The following EPM2A variants were observed in gnomAD, a reference collection of about 807,000 sequenced individuals.
The protein encoded by EPM2A is laforin.
In EPM2A, 21 loss-of-function variants were observed where a neutral mutation model predicts 26.5. The observed-to-expected ratio is 0.79, with a 90% CI of 0.56 to 1.14. The LOEUF (loss-of-function observed/expected upper bound fraction) is 1.14, where lower values mean the gene tolerates loss of function less well. Among genes scored for constraint, EPM2A ranks in the 50% most tolerant of loss-of-function variants. The probability of loss-of-function intolerance (pLI) is 0.00; values close to 1 mark genes in which losing one functional copy is unlikely to be tolerated. For missense variants in EPM2A, 458 were observed against 440.8 expected, an observed-to-expected ratio of 1.04 and a Z score of -0.35; for synonymous variants, 217 against 177.6, an observed-to-expected ratio of 1.22 and a Z score of -1.76.
chr6:145,705,622 G>A (rs1409035491), intron 1 of EPM2A: 4 of 452,246 alleles, frequency 8.8e-6, no homozygotes, highest in Non-Finnish European at 1.8e-5. Context: ...ATTATAGATT[G>A]GCTAGGGGCT....
chr6:145,455,024 C>A (rs1779244963), intron 4 of EPM2A, among the ~76,000 whole-genome samples: 1 of 151,828 alleles, frequency 6.6e-6, no homozygotes, highest in Non-Finnish European at 1.5e-5. Flanking sequence ...CATATATAAA[C>A]ATAGATATAT....
At chr6:145,716,900 C>T (rs1775660132) in intron 1 of EPM2A, among the ~76,000 whole-genome samples, 1 of 152,124 alleles carries the variant, frequency 6.6e-6, no homozygotes, top group Admixed American at 6.5e-5. Flanking sequence ...GTATTTATTC[C>T]CATAATTGCA....
intron 2 of EPM2A, among the ~76,000 whole-genome samples, chr6:145,582,446 G>C (rs577491900): frequency 6.6e-6 from 1 of 152,322 alleles, no homozygotes; most frequent in African/African-American, 2.4e-5. Flanking sequence ...GTAGATGTCT[G>C]TCAGGTCCAT....
chr6:145,709,089 T>C (rs771323820), intron 1 of EPM2A, among the ~76,000 whole-genome samples: 4 of 152,208 alleles, frequency 2.6e-5, no homozygotes, highest in Non-Finnish European at 4.4e-5. Context: ...CCATTGTATC[T>C]GAGAAGTAAC....
intron 1 of EPM2A, among the ~76,000 whole-genome samples, chr6:145,707,997 T>G (rs1381211862): frequency 1.3e-5 from 2 of 152,174 alleles, no homozygotes; most frequent in Non-Finnish European, 2.9e-5. Flanking sequence ...AAGTCCAGAC[T>G]GAGGTGGTCT....
intron 2 of EPM2A, among the ~76,000 whole-genome samples, chr6:145,662,491 C>A (rs559653789): frequency 1.3e-5 from 2 of 152,028 alleles, no homozygotes; most frequent in South Asian, 4.1e-4. Flanking sequence ...GTAAGGTAAA[C>A]TTAGGATTGA....
At chr6:145,435,576 T>G (rs1778978740) in intron 4 of EPM2A, among the ~76,000 whole-genome samples, 1 of 151,820 alleles carries the variant, frequency 6.6e-6, no homozygotes, top group Non-Finnish European at 1.5e-5. Flanking sequence ...ATTCTGATTT[T>G]TTTTAATTTA....
At chr6:145,495,309 G>A (rs1415370019) in intron 4 of EPM2A, among the ~76,000 whole-genome samples, 1 of 112,974 alleles carries the variant, frequency 8.9e-6, no homozygotes, top group East Asian at 2.6e-4. Context: ...CAACCACTGG[G>A]ATTTTTTTTT....
chr6:145,391,834 A>G (rs1201675838), intron 4 of EPM2A, among the ~76,000 whole-genome samples: 1 of 151,840 alleles, frequency 6.6e-6, no homozygotes, highest in Non-Finnish European at 1.5e-5. Context: ...TAGGCTGAAG[A>G]TCTTGGAGAC....
chr6:145,502,681 G>C (rs567569255), intron 2 of EPM2A: 3 of 437,008 alleles, frequency 6.9e-6, no homozygotes, highest in South Asian at 4.9e-5. Context: ...AAAATAAACA[G>C]TGACTATTTC....
intron 2 of EPM2A, among the ~76,000 whole-genome samples, chr6:145,526,332 C>T (rs997637201): frequency 6.6e-6 from 1 of 151,948 alleles, no homozygotes; most frequent in Non-Finnish European, 1.5e-5. Flanking sequence ...CTTTTCTCCT[C>T]AGTTTTTTGG....
intron 2 of EPM2A, among the ~76,000 whole-genome samples, chr6:145,615,740 G>T (rs770193038): frequency 2.0e-5 from 3 of 152,004 alleles, no homozygotes; most frequent in Non-Finnish European, 4.4e-5. Context: ...GTTGGGATCT[G>T]GAGTAAAGGT....
At chr6:145,675,730 A>G (rs769597844) in intron 2 of EPM2A, among the ~76,000 whole-genome samples, 3 of 152,242 alleles carry the variant, frequency 2.0e-5, no homozygotes, top group Non-Finnish European at 4.4e-5. Flanking sequence ...AAGAAGAATT[A>G]ACTATCTTAA....
At chr6:145,496,582 A>G (rs978706903) in intron 4 of EPM2A, among the ~76,000 whole-genome samples, 93 of 152,070 alleles carry the variant, frequency 6.1e-4, no homozygotes, top group African/African-American at 2.0e-3. Context: ...GACAGTCTTC[A>G]GGCTTTGAGA....
chr6:145,514,755 T>C (rs1326740615), intron 2 of EPM2A, among the ~76,000 whole-genome samples: 1 of 152,206 alleles, frequency 6.6e-6, no homozygotes, highest in African/African-American at 2.4e-5. Flanking sequence ...CATTCCATAC[T>C]GCACTCGACA....
intron 2 of EPM2A, among the ~76,000 whole-genome samples, chr6:145,677,991 C>A (rs1305559429): frequency 6.6e-6 from 1 of 152,032 alleles, no homozygotes; most frequent in East Asian, 1.9e-4. Flanking sequence ...AGCAAAAAGA[C>A]CAAAGCTGGA....
rs181349109 is a variant in EPM2A, at chr6:145,443,018, G to A, written c.556-58921C>T. ...TGGGACTACAGGCACCTGCCACCAC[G>A]CCCGGCTAATTTTTGTGTGTGTGTG... is the stretch of plus-strand genomic sequence containing the variant. On this transcript the variant is annotated intron_variant, in intron 4 of 4. Transcript: ENST00000638717. 3.8e-3 allele frequency among the ~76,000 whole-genome samples: 582 copies of A among 151,604 alleles called. 3 individuals carry two copies. Among genetic ancestry groups the A allele is most frequent in the Admixed American group, 8.7e-3 (132 of 15,236 alleles).
At chr6:145,733,217 G>A (rs1776594077) in intron 1 of EPM2A, among the ~76,000 whole-genome samples, 1 of 152,054 alleles carries the variant, frequency 6.6e-6, no homozygotes, top group South Asian at 2.1e-4. Flanking sequence ...TTCCTAGAAA[G>A]TCAACAGTCA....
chr6:145,671,416 T>G, intron 2 of EPM2A: 1 of 992,278 alleles, frequency 1.0e-6, no homozygotes. Context: ...GCAGAGAAGC[T>G]GATATGAACT....
Sources: gnomAD v4.1 joint callset for allele counts (sites outside exome capture counted in the v4.1 genomes callset) on GRCh38, gnomAD v4.1.1 for gene constraint, MANE v1.5 for transcripts, NCBI Gene and HGNC (gene_info 2026-07-23, HGNC 2026-07-21) for gene names.